Variants in NPTN observed in about 807,000 individuals in gnomAD.
The protein encoded by NPTN is SDR-1.
Under a neutral mutation model 42.7 loss-of-function variants are expected in NPTN, and 5 were observed. That is an observed-to-expected ratio of 0.12 (90% CI 0.06 to 0.25). NPTN has a LOEUF of 0.25. Ranked by LOEUF, NPTN falls within the 10% of genes least tolerant of loss-of-function variation. NPTN has a pLI of 1.00. For missense variants in NPTN, 307 were observed against 525.4 expected, an observed-to-expected ratio of 0.58 and a Z score of 4.06; for synonymous variants, 180 against 201.9, an observed-to-expected ratio of 0.89 and a Z score of 0.92.
At position 73,597,420 on chromosome 15, in the gene NPTN, A is replaced by AG; in HGVS notation, c.92-52_92-51insC. ...AGTGACAGGCCAATCAGAAAAAAAA[A>AG]AAAGAATCAACAGGTGTTAATAGTA... is the stretch of plus-strand genomic sequence containing the variant. On this transcript the variant is annotated intron_variant, in intron 1 of 8. Transcript: ENST00000345330. The surrounding 1 kb of genome is among the most constrained non-coding windows in gnomAD (Gnocchi z 6.3). 1 of 1,389,246 alleles carries AG rather than the reference A, an allele frequency of 7.2e-7. No individual in the cohort carries two copies. The highest frequency in any genetic ancestry group is 1.3e-5 in the South Asian group (1 of 77,330). 86.1% of individuals were successfully genotyped at this position (1,389,246 alleles called of 1,614,324 possible). A position where few individuals can be genotyped will look rare whatever the true frequency, so the allele number is the denominator to read the frequency against.
rs1378442722 is a variant in NPTN at position 73,633,235 on chromosome 15, A to G, written c.-20T>C. 6.7e-7 allele frequency: 1 copy of G among 1,497,720 alleles called. No individual in the cohort carries two copies. Among genetic ancestry groups the G allele is most frequent in the Non-Finnish European group, 8.9e-7 (1 of 1,123,786 alleles). 92.8% of individuals were successfully genotyped at this position (1,497,720 alleles called of 1,614,324 possible). A position where few individuals can be genotyped will look rare whatever the true frequency, so the allele number is the denominator to read the frequency against. On this transcript the variant is annotated 5_prime_UTR_variant, in exon 1 of 9. Coordinates refer to ENST00000345330, the MANE Select transcript of NPTN (RefSeq NM_012428.4). ...CGACATCCTCCCTAGCAGAAGACCC[A>G]ACAGCGAATGGGCCGGGGCCAGAGC... is the stretch of plus-strand genomic sequence containing the variant.
chr15:73,632,347 G>C (rs181609086), intron 1 of NPTN, among the ~76,000 whole-genome samples: 2 of 142,056 alleles, frequency 1.4e-5, no homozygotes, highest in Non-Finnish European at 3.0e-5. Flanking sequence ...TCCATCCTCT[G>C]CTCATTTTCC....
chr15:73,618,347 C>G (rs1204752679), intron 1 of NPTN, among the ~76,000 whole-genome samples: 2 of 152,022 alleles, frequency 1.3e-5, no homozygotes. Context: ...GCAAAAATAC[C>G]CACTCACAAT....
At chr15:73,568,192 C>A in intron 6 of NPTN, 1 of 985,512 alleles carries the variant, frequency 1.0e-6, no homozygotes, top group Non-Finnish European at 1.2e-6. Context: ...TAACCTACCA[C>A]ATGCACTGTG....
chr15:73,584,469 A>G (rs1896216166), intron 4 of NPTN, among the ~76,000 whole-genome samples: 1 of 152,156 alleles, frequency 6.6e-6, no homozygotes, highest in African/African-American at 2.4e-5. Context: ...TTATAGGGGT[A>G]GAAAATTTCA....
At chr15:73,613,213 G>T (rs1366184951) in intron 1 of NPTN, among the ~76,000 whole-genome samples, 4 of 152,166 alleles carry the variant, frequency 2.6e-5, no homozygotes, top group African/African-American at 9.7e-5. Context: ...AATTTTCCAA[G>T]AATCCCTTTG....
chr15:73,563,610 C>CAT, intron 6 of NPTN: 1 of 1,057,622 alleles, frequency 9.5e-7, no homozygotes, highest in Non-Finnish European at 1.1e-6. Flanking sequence ...GACAAACCAA[C>CAT]ATTTCAGTTG....
intron 7 of NPTN, 77 bp downstream of exon 7, chr15:73,563,159 T>C: frequency 9.8e-7 from 1 of 1,022,622 alleles, no homozygotes; most frequent in South Asian, 1.3e-5. Flanking sequence ...CAATCTTAGC[T>C]ACTCCATTTG....
chr15:73,568,616 C>T, intron 6 of NPTN: 1 of 985,450 alleles, frequency 1.0e-6, no homozygotes, highest in Non-Finnish European at 1.2e-6. Context: ...ATTAGGAGTA[C>T]ATGAAATCCC....
rs533392824 is a variant in NPTN at position 73,608,071 on chromosome 15, C to A, written c.92-10702G>T. ...TCCATGGCCAAAAGAAGTAGAGTAG[C>A]AAAAACAGTTGCTAAAAAAACTGTG... On this transcript the variant is annotated intron_variant, in intron 1 of 8. Coordinates refer to ENST00000345330, the MANE Select transcript of NPTN (RefSeq NM_012428.4). 2.4e-4 allele frequency among the ~76,000 whole-genome samples: 36 copies of A among 152,264 alleles called. No individual in the cohort carries two copies. In the South Asian group the frequency reaches 7.5e-3, roughly 32 times the overall value.
intron 4 of NPTN, among the ~76,000 whole-genome samples, chr15:73,583,527 A>T (rs1388039702): frequency 6.6e-6 from 1 of 152,186 alleles, no homozygotes; most frequent in Non-Finnish European, 1.5e-5. Flanking sequence ...GACCCACAGT[A>T]AGTGTGCAAT....
At position 73,610,571 on chromosome 15, in the gene NPTN, C is replaced by T. The variant is rs187047331; in HGVS notation, c.92-13202G>A. Among the ~76,000 whole-genome samples the T allele has an allele frequency of 9.9e-5, 15 of 152,242 alleles. 1 individual carries two copies. The highest frequency in any genetic ancestry group is 3.3e-4 in the Admixed American group (5 of 15,292). Reference sequence around the variant, plus strand: ...CTCAACTTTTAAAAAGGAAAACAAGCGGAATCTCAGCCTAAAGCCCAAAGC... The same window carrying T: ...CTCAACTTTTAAAAAGGAAAACAAGTGGAATCTCAGCCTAAAGCCCAAAGC... On this transcript the variant is annotated intron_variant, in intron 1 of 8. Coordinates refer to ENST00000345330, the MANE Select transcript of NPTN (RefSeq NM_012428.4).
chr15:73,630,561 T>C (rs758345531), intron 1 of NPTN, among the ~76,000 whole-genome samples: 1 of 152,254 alleles, frequency 6.6e-6, no homozygotes. Flanking sequence ...TCACTGGAGC[T>C]TCAAGAGACC....
chr15:73,629,687 A>C (rs1898626944), intron 1 of NPTN, among the ~76,000 whole-genome samples: 1 of 152,134 alleles, frequency 6.6e-6, no homozygotes, highest in African/African-American at 2.4e-5. Context: ...TGAATATATT[A>C]CGTTTTTACA....
intron 1 of NPTN, among the ~76,000 whole-genome samples, chr15:73,602,241 G>A (rs1343911411): frequency 6.6e-6 from 1 of 152,146 alleles, no homozygotes; most frequent in African/African-American, 2.4e-5. Flanking sequence ...GCCAAGGCCA[G>A]GCCTTTAAGT....
chr15:73,618,017 T>C (rs1897943617), intron 1 of NPTN, among the ~76,000 whole-genome samples: 1 of 152,264 alleles, frequency 6.6e-6, no homozygotes, highest in African/African-American at 2.4e-5. Context: ...GCAAATTCTA[T>C]GCTCCATGGG....
intron 5 of NPTN, among the ~76,000 whole-genome samples, chr15:73,572,584 C>A (rs576043554): frequency 1.3e-5 from 2 of 152,176 alleles, no homozygotes; most frequent in African/African-American, 2.4e-5. Context: ...CAGGAATGTA[C>A]TAGTAATTGC....
chr15:73,626,837 A>G (rs1898440055), intron 1 of NPTN, among the ~76,000 whole-genome samples: 1 of 152,234 alleles, frequency 6.6e-6, no homozygotes, highest in Non-Finnish European at 1.5e-5. Flanking sequence ...TAATACTTTC[A>G]GAGTGATTTC....
rs1238678745 is a variant in NPTN at position 73,597,522 on chromosome 15, C to T, written c.92-153G>A. Among the ~76,000 whole-genome samples the T allele has an allele frequency of 1.3e-5, 2 of 152,088 alleles. No homozygotes were observed. The highest frequency in any genetic ancestry group is 2.9e-5 in the Non-Finnish European group (2 of 68,014). On this transcript the variant is annotated intron_variant, in intron 1 of 8. Coordinates refer to ENST00000345330, the MANE Select transcript of NPTN (RefSeq NM_012428.4). This position sits in a 1 kb window ranked among gnomAD's most constrained non-coding sequence, Gnocchi z 6.3. ...GATTCATTTTTAAACTATAAAGAGA[C>T]AGTACAGCAATTCATACAAGCTTTT...
Sources: gnomAD v4.1 joint callset for allele counts (sites outside exome capture counted in the v4.1 genomes callset) on GRCh38, gnomAD v4.1.1 for gene constraint, Gnocchi (gnomAD v3.1) non-coding constraint, MANE v1.5 for transcripts, NCBI Gene and HGNC (gene_info 2026-07-23, HGNC 2026-07-21) for gene names.